FCRL4: variants seen among roughly 807,000 people sequenced by gnomAD.
The protein encoded by FCRL4 is Fc receptor-like protein 4.
A neutral mutation model predicts 64.1 loss-of-function variants in FCRL4; 43 were observed. That is an observed-to-expected ratio of 0.67 (90% confidence interval 0.53 to 0.87). The LOEUF (loss-of-function observed/expected upper bound fraction) is 0.87, where lower values mean the gene tolerates loss of function less well. Ranked by LOEUF, FCRL4 falls within the 40% of genes least tolerant of loss-of-function variation. The pLI is 0.00. For synonymous variants in FCRL4, 253 were observed against 239.8 expected, an observed-to-expected ratio of 1.05 and a Z score of -0.51; for missense variants, 656 against 613.5, an observed-to-expected ratio of 1.07 and a Z score of -0.73.
chr1:157,582,639 T>A (rs1652587570), intron 6 of FCRL4, among the ~76,000 whole-genome samples: 1 of 152,224 alleles, frequency 6.6e-6, no homozygotes, highest in South Asian at 2.1e-4. Context: ...TTTTCATCTA[T>A]GATTTTGGGC....
chr1:157,581,291 T>C (rs1362178329), intron 7 of FCRL4, among the ~76,000 whole-genome samples: 2 of 152,224 alleles, frequency 1.3e-5, no homozygotes, highest in Non-Finnish European at 2.9e-5. Context: ...AATTTCACTC[T>C]TCCTCCCCTT....
Position 157,575,459 on chromosome 1 carries a change from G to T in FCRL4, c.*65C>A. On this transcript the variant is annotated 3_prime_UTR_variant, in exon 12 of 12. Coordinates refer to ENST00000271532, the MANE Select transcript of FCRL4 (RefSeq NM_031282.3). ...TTCCAGGGGCCGCAAGGACTGCACTGGGCCTGGGACTTTGGACAAGGGAGA... is the reference window on the plus strand; with the variant it reads ...TTCCAGGGGCCGCAAGGACTGCACTTGGCCTGGGACTTTGGACAAGGGAGA... 8.0e-7 allele frequency: 1 copy of T among 1,250,134 alleles called. No homozygotes were observed. The highest frequency in any genetic ancestry group is 1.2e-6 in the Non-Finnish European group (1 of 860,518). The allele number at this position is 1,250,134 out of a possible 1,614,324, so 77.4% of individuals were successfully genotyped here.
rs1025795838 is a variant in FCRL4, at chr1:157,574,237, G to A, written c.*1287C>T. 12 of 218,510 alleles carry A rather than the reference G, an allele frequency of 5.5e-5. No homozygotes were observed. The highest frequency in any genetic ancestry group is 2.7e-4 in the African/African-American group (12 of 44,450). The allele number at this position is 218,510 out of a possible 1,614,324, so 13.5% of individuals were successfully genotyped here. On this transcript the variant is annotated 3_prime_UTR_variant, in exon 12 of 12. Transcript: ENST00000271532. ...TTTTTCCCATTTATTTGTTATAGAA[G>A]CCAGGTGATTTGCCCTATAGAACTT... is the stretch of plus-strand genomic sequence containing the variant.
chr1:157,596,055 G>A (rs1234115240), intron 2 of FCRL4, among the ~76,000 whole-genome samples: 1 of 152,146 alleles, frequency 6.6e-6, no homozygotes, highest in Non-Finnish European at 1.5e-5. Context: ...CACATCAGGC[G>A]GGGTGACAGC....
chr1:157,591,557 GCT>G (rs1652840144), intron 2 of FCRL4, among the ~76,000 whole-genome samples: 2 of 152,164 alleles, frequency 1.3e-5, no homozygotes, highest in South Asian at 2.1e-4. Context: ...AGGTAAGCAG[GCT>G]CTGTTTGTCA....
intron 2 of FCRL4, among the ~76,000 whole-genome samples, chr1:157,593,322 T>G (rs757603649): frequency 6.6e-6 from 1 of 152,170 alleles, no homozygotes; most frequent in Non-Finnish European, 1.5e-5. Context: ...TCTAGAGAGA[T>G]AGTTCCTCCG....
intron 10 of FCRL4, among the ~76,000 whole-genome samples, chr1:157,577,414 G>A (rs541624148): frequency 1.3e-5 from 2 of 152,330 alleles, no homozygotes; most frequent in East Asian, 1.9e-4. Context: ...AAGAAGTGAA[G>A]TAGAACTTCA....
chr1:157,577,719 A>G (rs1016323244), intron 10 of FCRL4, among the ~76,000 whole-genome samples: 1 of 152,198 alleles, frequency 6.6e-6, no homozygotes, highest in African/African-American at 2.4e-5. Context: ...GTCTGCAGAG[A>G]GTTCTCCTCA....
At chr1:157,587,766 A>G (rs1369814256) in intron 4 of FCRL4, 99 bp downstream of exon 4, 5 of 1,279,588 alleles carry the variant, frequency 3.9e-6, no homozygotes, top group East Asian at 2.4e-5. Flanking sequence ...CCTCTCATCT[A>G]TCCAGAGTTT....
chr1:157,590,293 G>A lies in FCRL4; in HGVS notation c.53-835C>T, dbSNP rs548427439. ...TTTTTTTTCAGAGTTTGGAACATAC[G>A]CATAAACCAAAAATCTGAAATATGA... On this transcript the variant is annotated intron_variant, in intron 2 of 11. Transcript: ENST00000271532. 5.3e-5 allele frequency among the ~76,000 whole-genome samples: 8 copies of A among 152,086 alleles called. No individual in the cohort carries two copies. The East Asian group carries it at 9.7e-4, about 18-fold the overall frequency.
intron 6 of FCRL4, among the ~76,000 whole-genome samples, chr1:157,584,661 C>G (rs1652633714): frequency 6.6e-6 from 1 of 152,070 alleles, no homozygotes; most frequent in Non-Finnish European, 1.5e-5. Flanking sequence ...TGGGGAAACA[C>G]CTCAGTCTCT....
chr1:157,585,796 A>C (rs745632144), intron 6 of FCRL4, among the ~76,000 whole-genome samples: 2 of 152,060 alleles, frequency 1.3e-5, no homozygotes, highest in Non-Finnish European at 2.9e-5. Context: ...TGTGTGAATG[A>C]TTTACTGAAA....
intron 4 of FCRL4, 141 bp downstream of exon 4, chr1:157,587,724 C>A (rs1052300844): frequency 5.2e-5 from 58 of 1,107,680 alleles, no homozygotes; most frequent in South Asian, 3.9e-4. Flanking sequence ...GGTCCAATCA[C>A]CCCACTTTCT....
rs1652744193 is a variant in FCRL4 at position 157,587,997 on chromosome 1, A to G, written c.430T>C (p.Ser144Pro). ...AGATCCCAGCTTTTATTAGAAATGG[A>G]AAGAATGTTTCCATTCCAAGTATAT... ...VKYTWNGNIL[S>P]ISNKSWDLLI... The change falls in exon 4 of 12, where the codon TCC (serine) becomes CCC (proline). Residue 144 changes from serine to proline, a missense_variant. Physicochemically the swap from Ser to Pro is moderately conservative, Grantham distance 74. Transcript: ENST00000271532. 6.2e-7 allele frequency: 1 copy of G among 1,613,180 alleles called. No individual in the cohort carries two copies. Among genetic ancestry groups the G allele is most frequent in the African/African-American group, 1.3e-5 (1 of 74,934 alleles).
intron 1 of FCRL4, among the ~76,000 whole-genome samples, chr1:157,597,255 T>C (rs1330576925): frequency 6.6e-6 from 1 of 152,332 alleles, no homozygotes; most frequent in East Asian, 1.9e-4. Flanking sequence ...CTAATAGGTC[T>C]TCCCTTAGTT....
intron 8 of FCRL4, among the ~76,000 whole-genome samples, 193 bp downstream of exon 8, chr1:157,580,128 A>T (rs996851032): frequency 7.2e-5 from 11 of 152,248 alleles, no homozygotes; most frequent in Non-Finnish European, 1.2e-4. Context: ...ATTATTTTGC[A>T]TGTATTGCAA....
At chr1:157,584,944 G>A (rs1652639941) in intron 6 of FCRL4, among the ~76,000 whole-genome samples, 1 of 152,130 alleles carries the variant, frequency 6.6e-6, no homozygotes, top group African/African-American at 2.4e-5. Flanking sequence ...ATACTAACAG[G>A]TTATGTCCCA....
At chr1:157,587,702 C>T in intron 4 of FCRL4, 142 bp from the exon 5 acceptor site, 1 of 1,110,318 alleles carries the variant, frequency 9.0e-7, no homozygotes, top group East Asian at 2.5e-5. Flanking sequence ...TTTTCTTCTA[C>T]AGGATTATTC....
At chr1:157,581,449 C>T (rs1652556983) in intron 7 of FCRL4, 82 bp downstream of exon 7, 1 of 1,119,506 alleles carries the variant, frequency 8.9e-7, no homozygotes, top group Non-Finnish European at 1.3e-6. Flanking sequence ...GAGTGGTGGC[C>T]TGGTGGCCAC....
Sources: gnomAD v4.1 joint callset for allele counts (sites outside exome capture counted in the v4.1 genomes callset) on GRCh38, gnomAD v4.1.1 for gene constraint, MANE v1.5 for transcripts, NCBI Gene and HGNC (gene_info 2026-07-23, HGNC 2026-07-21) for gene names.